Variants in SLC24A2 observed in about 807,000 individuals in gnomAD.
The protein encoded by SLC24A2 is solute carrier family 24 member 2, also known as sodium/potassium/calcium exchanger 2.
SLC24A2 carries 36 observed loss-of-function variants against 62.0 expected under a neutral mutation model. The observed-to-expected ratio is 0.58, with a 90% CI of 0.44 to 0.77. The LOEUF (loss-of-function observed/expected upper bound fraction) is 0.77. SLC24A2 is among the 30% of genes least tolerant of loss of function. SLC24A2 has a pLI of 0.00. For synonymous variants in SLC24A2, 358 were observed against 294.0 expected, an observed-to-expected ratio of 1.22 and a Z score of -2.23; for missense variants, 846 against 817.9, an observed-to-expected ratio of 1.03 and a Z score of -0.42.
the SLC24A2 span, among the ~76,000 whole-genome samples, chr9:20,005,056 G>T: frequency 1.3e-5 from 2 of 152,138 alleles, no homozygotes; most frequent in Admixed American, 6.5e-5. Context: ...CAGCGAAATA[G>T]TTATGCTATG....
chr9:20,280,946 G>A, the SLC24A2 span, among the ~76,000 whole-genome samples: 2 of 152,140 alleles, frequency 1.3e-5, no homozygotes, highest in Non-Finnish European at 2.9e-5. Context: ...AGCATCTGGA[G>A]GAACAAATGG....
chr9:20,268,215 A>G, the SLC24A2 span, among the ~76,000 whole-genome samples: 1 of 152,130 alleles, frequency 6.6e-6, no homozygotes, highest in East Asian at 1.9e-4. Flanking sequence ...GAAAACTGAC[A>G]ATAGGGAGGA....
chr9:20,022,320 T>G, the SLC24A2 span, among the ~76,000 whole-genome samples: 1 of 152,214 alleles, frequency 6.6e-6, no homozygotes, highest in African/African-American at 2.4e-5. Context: ...ATAATAGGTG[T>G]TTTAAAGCCA....
intron 2 of SLC24A2, among the ~76,000 whole-genome samples, chr9:19,769,169 A>C (rs954198393): frequency 6.6e-6 from 1 of 152,174 alleles, no homozygotes; most frequent in African/African-American, 2.4e-5. Flanking sequence ...CATTAAGTGC[A>C]ATTCCATTCT....
intron 2 of SLC24A2, among the ~76,000 whole-genome samples, chr9:19,633,872 T>A (rs537166716): frequency 1.2e-4 from 19 of 152,332 alleles, no homozygotes; most frequent in African/African-American, 4.1e-4. Context: ...CTGCAAATAT[T>A]TTCCCCCTGT....
chr9:20,122,206 A>C, the SLC24A2 span, among the ~76,000 whole-genome samples: 1 of 152,240 alleles, frequency 6.6e-6, no homozygotes, highest in Admixed American at 6.5e-5. Flanking sequence ...GAACCATTCT[A>C]GGCATAAGGC....
At chr9:19,847,908 GT>G in the SLC24A2 span, among the ~76,000 whole-genome samples, 1 of 152,196 alleles carries the variant, frequency 6.6e-6, no homozygotes, top group Non-Finnish European at 1.5e-5. Context: ...GTCATTTTAT[GT>G]TTGGATAGAC....
At chr9:20,098,045 T>C in the SLC24A2 span, among the ~76,000 whole-genome samples, 6 of 152,070 alleles carry the variant, frequency 3.9e-5, no homozygotes, top group African/African-American at 1.4e-4. Context: ...CTGGCCCGAA[T>C]CTTAAATAAT....
chr9:20,059,194 T>A, the SLC24A2 span, among the ~76,000 whole-genome samples: 2 of 152,178 alleles, frequency 1.3e-5, no homozygotes, highest in African/African-American at 4.8e-5. Flanking sequence ...TTATCCAGCT[T>A]GGCGAGTGTA....
chr9:20,029,720 G>T, the SLC24A2 span, among the ~76,000 whole-genome samples: 1 of 152,198 alleles, frequency 6.6e-6, no homozygotes, highest in Non-Finnish European at 1.5e-5. Context: ...TTACAAAGGT[G>T]GAAATGGGAT....
At chr9:20,146,645 T>G in the SLC24A2 span, among the ~76,000 whole-genome samples, 1 of 151,892 alleles carries the variant, frequency 6.6e-6, no homozygotes, top group African/African-American at 2.4e-5. Context: ...GTAAAATTGG[T>G]TTTTAAACCT....
chr9:20,136,325 C>T, the SLC24A2 span, among the ~76,000 whole-genome samples: 1 of 151,938 alleles, frequency 6.6e-6, no homozygotes, highest in Non-Finnish European at 1.5e-5. Flanking sequence ...AAAATGAGTA[C>T]TAAGAGGATT....
the SLC24A2 span, among the ~76,000 whole-genome samples, chr9:19,903,392 C>T: frequency 3.9e-5 from 6 of 152,136 alleles, no homozygotes; most frequent in African/African-American, 9.7e-5. Context: ...TCCCATCATG[C>T]GTGCTTCACA....
chr9:19,759,588 AT>A (rs1255761983), intron 2 of SLC24A2, among the ~76,000 whole-genome samples: 1 of 152,218 alleles, frequency 6.6e-6, no homozygotes, highest in African/African-American at 2.4e-5. Flanking sequence ...GTAAAAACAG[AT>A]TACTTAAAAT....
intron 2 of SLC24A2, among the ~76,000 whole-genome samples, chr9:19,636,324 T>TTTTCTTTTCTTTTCTTTCTTTCC (rs1564009773): frequency 6.7e-5 from 1 of 15,024 alleles, no homozygotes; most frequent in Non-Finnish European, 1.4e-4. Context: ...CTTTTCTTTC[T>TTTTCTTTTCTTTTCTTTCTTTCC]TTCTTTCTTT....
At chr9:19,801,885 G>T in the SLC24A2 span, among the ~76,000 whole-genome samples, 2 of 152,108 alleles carry the variant, frequency 1.3e-5, no homozygotes, top group Non-Finnish European at 2.9e-5. Context: ...TATAAACCAA[G>T]AACATATCAG....
chr9:19,572,290 A>G (rs1190790931), intron 7 of SLC24A2, among the ~76,000 whole-genome samples: 2 of 148,582 alleles, frequency 1.3e-5, no homozygotes, highest in African/African-American at 4.9e-5. Flanking sequence ...AAATGGAGCT[A>G]CTAATGCCTA....
chr9:20,161,958 G>A, the SLC24A2 span, among the ~76,000 whole-genome samples: 1 of 151,694 alleles, frequency 6.6e-6, no homozygotes, highest in Non-Finnish European at 1.5e-5. Context: ...AAAATAATTA[G>A]ATGCATAAGA....
the SLC24A2 span, among the ~76,000 whole-genome samples, chr9:19,914,177 G>C: frequency 2.0e-5 from 3 of 151,722 alleles, no homozygotes; most frequent in Non-Finnish European, 2.9e-5. Flanking sequence ...CTTTTATCTT[G>C]TCCAGGGTTA....
Sources: gnomAD v4.1 joint callset for allele counts (sites outside exome capture counted in the v4.1 genomes callset) on GRCh38, gnomAD v4.1.1 for gene constraint, MANE v1.5 for transcripts, NCBI Gene and HGNC (gene_info 2026-07-23, HGNC 2026-07-21) for gene names.